HS6ST3: variants seen among roughly 807,000 people sequenced by gnomAD.
The protein encoded by HS6ST3 is heparan sulfate 6-O-sulfotransferase 3.
Under a neutral mutation model 36.7 loss-of-function variants are expected in HS6ST3, and 12 were observed. The ratio of observed to expected loss-of-function variants is 0.33; its 90% CI spans 0.21 to 0.53. The LOEUF is 0.53. Among genes scored for constraint, HS6ST3 ranks in the 20% least tolerant of loss-of-function variants. The pLI is 0.95. For missense variants in HS6ST3, 584 were observed against 640.9 expected (o/e 0.91, Z 0.96); for synonymous variants, 240 against 257.5 (o/e 0.93, Z 0.65).
chr13:96,134,462 T>G (rs980926827), intron 1 of HS6ST3, among the ~76,000 whole-genome samples: 5 of 152,176 alleles, frequency 3.3e-5, no homozygotes, highest in African/African-American at 1.2e-4. Context: ...CTGATTTTTA[T>G]TTTTTACCTA....
chr13:96,175,602 C>A (rs571910180), intron 1 of HS6ST3, among the ~76,000 whole-genome samples: 2 of 149,312 alleles, frequency 1.3e-5, no homozygotes, highest in South Asian at 4.2e-4. Flanking sequence ...GACCTATGAA[C>A]TTTTCTCACA....
At chr13:96,312,951 C>CAAAAAAA (rs754098470) in intron 1 of HS6ST3, among the ~76,000 whole-genome samples, 1 of 81,440 alleles carries the variant, frequency 1.2e-5, no homozygotes, top group Non-Finnish European at 2.4e-5. Flanking sequence ...GACCCTGTCT[C>CAAAAAAA]AAAAAAAAAA....
chr13:96,669,521 GTC>G (rs1307299067), intron 1 of HS6ST3, among the ~76,000 whole-genome samples: 5 of 152,156 alleles, frequency 3.3e-5, no homozygotes, highest in African/African-American at 1.2e-4. Context: ...CTTCCTTTAA[GTC>G]TCTTCAACAA....
intron 1 of HS6ST3, among the ~76,000 whole-genome samples, chr13:96,377,840 T>A (rs6491289): frequency 0.84 from 127,749 of 152,168 alleles, 54,059 homozygotes; most frequent in South Asian, 0.91. Flanking sequence ...TTGTTAAAGG[T>A]CCAGGACCAG....
chr13:96,162,560 A>G (rs2054140891), intron 1 of HS6ST3, among the ~76,000 whole-genome samples: 1 of 152,230 alleles, frequency 6.6e-6, no homozygotes, highest in South Asian at 2.1e-4. Flanking sequence ...GAGGTAGGGA[A>G]GAGAAAACAC....
At chr13:96,708,257 T>G (rs902805833) in intron 1 of HS6ST3, among the ~76,000 whole-genome samples, 2 of 152,224 alleles carry the variant, frequency 1.3e-5, no homozygotes, top group African/African-American at 4.8e-5. Flanking sequence ...TTTTCCATAA[T>G]TATTTGAGTA....
In HS6ST3 at chr13:96,091,079, C is replaced by T. The variant is rs932883553; in HGVS notation, c.217C>T (p.Pro73Ser). Residue 73 changes from proline to serine, a missense_variant, in exon 1 of 2, where the codon CCG becomes TCG. Physicochemically the swap from Pro to Ser is moderately conservative, Grantham distance 74 (BLOSUM62 -1). Around this residue, in one of 3 missense-constraint regions of HS6ST3, gnomAD observed 217 missense variants for 205.4 expected, o/e 1.06. Transcript: ENST00000376705. Reference sequence around the variant, plus strand: ...GTGGGAGCGGCGGCCCCAGTTGCCCCCGCCGCCCCGGGGGCCCCCCGAGGG... The same window carrying T: ...GTGGGAGCGGCGGCCCCAGTTGCCCTCGCCGCCCCGGGGGCCCCCCGAGGG... ...EEWERRPQLP[P>S]PPRGPPEGPR... 6.2e-6 allele frequency: 8 copies of T among 1,293,928 alleles called. No individual in the cohort carries two copies. In the African/African-American group the frequency reaches 1.2e-4, roughly 20 times the overall value. 80.2% of individuals were successfully genotyped at this position (1,293,928 alleles called of 1,614,324 possible). A position where few individuals can be genotyped will look rare whatever the true frequency, so the allele number is the denominator to read the frequency against.
chr13:96,098,218 A>G (rs1194410847), intron 1 of HS6ST3, among the ~76,000 whole-genome samples: 8 of 152,186 alleles, frequency 5.3e-5, no homozygotes. Context: ...TAATGTAATC[A>G]TTCATTTGTG....
intron 1 of HS6ST3, among the ~76,000 whole-genome samples, chr13:96,359,419 C>G (rs1367000714): frequency 6.6e-6 from 1 of 152,172 alleles, no homozygotes; most frequent in South Asian, 2.1e-4. Flanking sequence ...AAACTGTCTA[C>G]TTATGTAGGT....
intron 1 of HS6ST3, among the ~76,000 whole-genome samples, chr13:96,296,819 A>G (rs764725407): frequency 6.6e-6 from 1 of 152,068 alleles, no homozygotes; most frequent in Non-Finnish European, 1.5e-5. Flanking sequence ...CATTTCCACC[A>G]ATTTTGCTAT....
At chr13:96,253,380 A>C (rs2054616714) in intron 1 of HS6ST3, among the ~76,000 whole-genome samples, 1 of 152,142 alleles carries the variant, frequency 6.6e-6, no homozygotes, top group Non-Finnish European at 1.5e-5. Context: ...CCCATGGAAG[A>C]AATCATGGGC....
chr13:96,607,707 A>G (rs1273129774), intron 1 of HS6ST3, among the ~76,000 whole-genome samples: 1 of 152,180 alleles, frequency 6.6e-6, no homozygotes, highest in African/African-American at 2.4e-5. Context: ...ACTATTGTGT[A>G]TATAATATGG....
intron 1 of HS6ST3, among the ~76,000 whole-genome samples, chr13:96,751,026 A>G (rs1876687762): frequency 6.6e-6 from 1 of 152,134 alleles, no homozygotes; most frequent in Non-Finnish European, 1.5e-5. Context: ...ATCTATGTTT[A>G]TTTTATCTAC....
At chr13:96,362,489 G>A (rs1421894052) in intron 1 of HS6ST3, among the ~76,000 whole-genome samples, 2 of 152,142 alleles carry the variant, frequency 1.3e-5, no homozygotes. Flanking sequence ...AGATATTTCT[G>A]AGCAATAGGA....
At chr13:96,700,061 A>G (rs558033955) in intron 1 of HS6ST3, among the ~76,000 whole-genome samples, 1 of 152,316 alleles carries the variant, frequency 6.6e-6, no homozygotes, top group Non-Finnish European at 1.5e-5. Flanking sequence ...CTGGACCCCT[A>G]AACTATTTTT....
chr13:96,177,807 AT>A (rs2054219654), intron 1 of HS6ST3, among the ~76,000 whole-genome samples: 1 of 152,158 alleles, frequency 6.6e-6, no homozygotes, highest in Middle Eastern at 3.2e-3. Context: ...AATTAAAAAA[AT>A]AAAAAGATAC....
intron 1 of HS6ST3, among the ~76,000 whole-genome samples, chr13:96,761,061 C>T (rs187455318): frequency 1.9e-4 from 29 of 151,800 alleles, no homozygotes; most frequent in Non-Finnish European, 3.5e-4. Context: ...CACCTAGTTC[C>T]GTCTCTGGAA....
At chr13:96,550,011 G>C (rs1054385258) in intron 1 of HS6ST3, among the ~76,000 whole-genome samples, 1 of 152,114 alleles carries the variant, frequency 6.6e-6, no homozygotes, top group African/African-American at 2.4e-5. Flanking sequence ...TGCAACAACA[G>C]TGCCTTTAAA....
chr13:96,130,779 C>A (rs2053971684), intron 1 of HS6ST3, among the ~76,000 whole-genome samples: 1 of 152,164 alleles, frequency 6.6e-6, no homozygotes, highest in Non-Finnish European at 1.5e-5. Flanking sequence ...TAATGAATTT[C>A]TGTGCAGCTT....
Sources: allele counts gnomAD v4.1 joint callset (sites outside exome capture counted in the v4.1 genomes callset), GRCh38; gene constraint gnomAD v4.1.1; regional missense constraint gnomAD v4.1.1; transcripts MANE v1.5; gene names NCBI Gene and HGNC (gene_info 2026-07-23, HGNC 2026-07-21).